NHEJ1: variants seen among roughly 807,000 people sequenced by gnomAD.
The protein encoded by NHEJ1 is non-homologous end-joining factor 1.
NHEJ1 carries 22 observed loss-of-function variants against 39.4 expected under a neutral mutation model. The observed-to-expected ratio is 0.56, with a 90% CI of 0.40 to 0.80. The LOEUF (loss-of-function observed/expected upper bound fraction) is 0.80, where lower values mean the gene tolerates loss of function less well. Ranked by LOEUF, NHEJ1 falls within the 30% of genes least tolerant of loss-of-function variation. NHEJ1 has a pLI of 0.00. For synonymous variants in NHEJ1, 154 were observed against 135.6 expected, an observed-to-expected ratio of 1.14 and a Z score of -0.94; for missense variants, 329 against 357.1, an observed-to-expected ratio of 0.92 and a Z score of 0.63.
At position 219,073,930 on chromosome 2, in the gene NHEJ1, AG is replaced by A. The variant is rs1035018029; in HGVS notation, c.*2450del. Among the ~76,000 whole-genome samples the A allele has an allele frequency of 6.6e-6, 1 of 152,256 alleles. No individual in the cohort carries two copies. Among genetic ancestry groups the A allele is most frequent in the African/African-American group, 2.4e-5 (1 of 41,464 alleles). On this transcript the variant is annotated 3_prime_UTR_variant, in exon 8 of 8. Coordinates refer to ENST00000356853, the MANE Select transcript of NHEJ1 (RefSeq NM_024782.3). ...GCTGGGGGCCTCAGGGAGGGGCCCA[AG>A]CCAGGGGGCAGGGCTGGAATACAGC...
intron 5 of NHEJ1, among the ~76,000 whole-genome samples, chr2:219,104,126 CAA>C: frequency 6.6e-6 from 1 of 151,832 alleles, no homozygotes; most frequent in Admixed American, 6.6e-5. Flanking sequence ...CTTGGTTGAA[CAA>C]AGTCAGGGTC....
intron 5 of NHEJ1, among the ~76,000 whole-genome samples, chr2:219,104,527 T>C (rs893786702): frequency 3.9e-5 from 6 of 152,102 alleles, no homozygotes; most frequent in African/African-American, 1.4e-4. Flanking sequence ...CAAAGGGGAA[T>C]AGAGGAGAAG....
intron 5 of NHEJ1, among the ~76,000 whole-genome samples, chr2:219,079,457 A>G (rs1949043464): frequency 6.6e-6 from 1 of 152,206 alleles, no homozygotes; most frequent in African/African-American, 2.4e-5. Flanking sequence ...GAGAAGCAGG[A>G]AAGCAGGTGC....
Position 219,070,429 on chromosome 2 carries a change from T to G in NHEJ1, c.*5952A>C, listed in dbSNP as rs1948946528. On this transcript the variant is annotated 3_prime_UTR_variant, in exon 8 of 8. Coordinates refer to ENST00000356853, the MANE Select transcript of NHEJ1 (RefSeq NM_024782.3). Reference sequence around the variant, plus strand: ...CTGGTCTCAAATTCCTGACCTCAGGTGATCCACCTGCCTCAGCCTCCCAAA... The same window carrying G: ...CTGGTCTCAAATTCCTGACCTCAGGGGATCCACCTGCCTCAGCCTCCCAAA... 6.6e-6 allele frequency among the ~76,000 whole-genome samples: 1 copy of G among 152,164 alleles called. No individual in the cohort carries two copies. Among genetic ancestry groups the G allele is most frequent in the Non-Finnish European group, 1.5e-5 (1 of 68,026 alleles).
intron 5 of NHEJ1, among the ~76,000 whole-genome samples, chr2:219,085,384 T>C (rs1005109084): frequency 6.6e-6 from 1 of 152,148 alleles, no homozygotes; most frequent in Non-Finnish European, 1.5e-5. Context: ...CCTCTATCAG[T>C]TCAGTGATCA....
chr2:219,111,628 G>GACACAC lies in NHEJ1; in HGVS notation c.589-33428_589-33423dup, dbSNP rs368706049. On this transcript the variant is annotated intron_variant, in intron 5 of 7. Transcript: ENST00000356853. The surrounding 1 kb of genome is among the most constrained non-coding windows in gnomAD (Gnocchi z 4.1). ...GAATTAAGTCTACAGTGTGAATACA[G>GACACAC]ACACACACACACACACACACACACA... 0.38 allele frequency among the ~76,000 whole-genome samples: 53,026 copies of GACACAC among 137,932 alleles called. 11,374 individuals carry two copies. The highest frequency in any genetic ancestry group is 0.48 in the Non-Finnish European group (31,239 of 64,724). 90.5% of individuals were successfully genotyped at this position (137,932 alleles called of 152,430 possible). A position where few individuals can be genotyped will look rare whatever the true frequency, so the allele number is the denominator to read the frequency against.
intron 5 of NHEJ1, among the ~76,000 whole-genome samples, chr2:219,097,054 T>A (rs1949215556): frequency 6.6e-6 from 1 of 152,182 alleles, no homozygotes; most frequent in South Asian, 2.1e-4. Flanking sequence ...CAGTAGATAT[T>A]CAGGGATATT....
chr2:219,149,891 T>C (rs201636434), intron 3 of NHEJ1, among the ~76,000 whole-genome samples: 1 of 152,252 alleles, frequency 6.6e-6, no homozygotes, highest in Non-Finnish European at 1.5e-5. Flanking sequence ...CAAGTGGCTG[T>C]GTTCCAACCG....
chr2:219,110,489 C>T (rs1370995568), intron 5 of NHEJ1, among the ~76,000 whole-genome samples: 1 of 150,784 alleles, frequency 6.6e-6, no homozygotes, highest in Non-Finnish European at 1.5e-5. Context: ...CACCATTGCA[C>T]TCCAGTCTGG....
intron 7 of NHEJ1, 64 bp from the exon 8 acceptor site, chr2:219,076,519 A>T: frequency 7.1e-7 from 1 of 1,412,308 alleles, no homozygotes; most frequent in Non-Finnish European, 9.9e-7. Flanking sequence ...TTAGGAAAGG[A>T]ACTTTCTTCC....
At chr2:219,078,299 T>C (rs1035101521) in intron 5 of NHEJ1, 93 bp from the exon 6 acceptor site, 7 of 1,069,952 alleles carry the variant, frequency 6.5e-6, no homozygotes, top group Admixed American at 1.7e-5. Flanking sequence ...CAACCCCAAA[T>C]GAATTAATAT....
At position 219,072,268 on chromosome 2, in the gene NHEJ1, A is replaced by AC. The variant is rs1948964105; in HGVS notation, c.*4112dup. Reference sequence around the variant, plus strand: ...TTCCAGGGCATCAATGCAGCTGGGAACCCCCCTCCTATAAAGTATGGGCTT... The same window carrying AC: ...TTCCAGGGCATCAATGCAGCTGGGAACCCCCCCTCCTATAAAGTATGGGCTT... On this transcript the variant is annotated 3_prime_UTR_variant, in exon 8 of 8. Transcript: ENST00000356853. Among the ~76,000 whole-genome samples, 2 of 151,902 alleles carry AC rather than the reference A, an allele frequency of 1.3e-5. No individual in the cohort carries two copies. Among genetic ancestry groups the AC allele is most frequent in the African/African-American group, 4.8e-5 (2 of 41,420 alleles).
chr2:219,139,538 C>T (rs76488853), intron 5 of NHEJ1, among the ~76,000 whole-genome samples: 5 of 152,160 alleles, frequency 3.3e-5, no homozygotes, highest in East Asian at 1.9e-4. Flanking sequence ...ACAATGACTG[C>T]GTTACCAGCT....
chr2:219,121,881 T>C (rs1410743015), intron 5 of NHEJ1, among the ~76,000 whole-genome samples: 15 of 152,094 alleles, frequency 9.9e-5, no homozygotes, highest in Admixed American at 9.8e-4. Context: ...CAACTAATGC[T>C]AAATACAATA....
chr2:219,146,789 T>C, intron 4 of NHEJ1, 51 bp from the exon 5 acceptor site: 2 of 1,383,916 alleles, frequency 1.4e-6, no homozygotes, highest in Non-Finnish European at 2.1e-6. Context: ...CAGGATGAGT[T>C]TCTTACCTGA....
Position 219,089,463 on chromosome 2 carries a change from C to T in NHEJ1, c.589-11257G>A, listed in dbSNP as rs954748026. Among the ~76,000 whole-genome samples, 6 of 152,118 alleles carry T rather than the reference C, an allele frequency of 3.9e-5. No individual in the cohort carries two copies. The South Asian group carries it at 6.2e-4, about 16-fold the overall frequency. On this transcript the variant is annotated intron_variant, in intron 5 of 7. Coordinates refer to ENST00000356853, the MANE Select transcript of NHEJ1 (RefSeq NM_024782.3). ...ATACATGAACCTTGAGAACATAATGCTAAGTGAAAGAAGCCAGACACGAAA... is the reference window on the plus strand; with the variant it reads ...ATACATGAACCTTGAGAACATAATGTTAAGTGAAAGAAGCCAGACACGAAA...
rs193131486 is a variant in NHEJ1, at chr2:219,111,910, G to A, written c.589-33704C>T. Among the ~76,000 whole-genome samples, 106 of 152,134 alleles carry A rather than the reference G, an allele frequency of 7.0e-4. No individual in the cohort carries two copies. Among genetic ancestry groups the A allele is most frequent in the Non-Finnish European group, 1.1e-3 (77 of 68,036 alleles). On this transcript the variant is annotated intron_variant, in intron 5 of 7. Coordinates refer to ENST00000356853, the MANE Select transcript of NHEJ1 (RefSeq NM_024782.3). This position sits in a 1 kb window ranked among gnomAD's most constrained non-coding sequence, Gnocchi z 4.1. ...GGCGAGGCCATGCTTTAGGGGTGGGGGGATGAATGAGAGGGGCAGGAGACA... is the reference window on the plus strand; with the variant it reads ...GGCGAGGCCATGCTTTAGGGGTGGGAGGATGAATGAGAGGGGCAGGAGACA...
chr2:219,076,931 G>A (rs1949019252), intron 7 of NHEJ1, among the ~76,000 whole-genome samples: 1 of 152,140 alleles, frequency 6.6e-6, no homozygotes, highest in African/African-American at 2.4e-5. Context: ...AGCAGGAGAT[G>A]TAGATTCCCT....
chr2:219,126,470 A>G (rs1384027398), intron 5 of NHEJ1, among the ~76,000 whole-genome samples: 2 of 152,212 alleles, frequency 1.3e-5, no homozygotes, highest in African/African-American at 2.4e-5. Context: ...GGTGATCAAT[A>G]TATTTGTGTT....
Sources: allele counts gnomAD v4.1 joint callset (sites outside exome capture counted in the v4.1 genomes callset), GRCh38; gene constraint gnomAD v4.1.1; non-coding constraint Gnocchi (gnomAD v3.1); transcripts MANE v1.5; gene names NCBI Gene and HGNC (gene_info 2026-07-23, HGNC 2026-07-21).